The following WDFY1 variants were observed in gnomAD, a reference collection of about 807,000 sequenced individuals.
WDFY1 encodes WD repeat and FYVE domain-containing protein 1.
In WDFY1, 32 loss-of-function variants were observed where a neutral mutation model predicts 56.4. The observed-to-expected ratio is 0.57, with a 90% CI of 0.43 to 0.76. The LOEUF (loss-of-function observed/expected upper bound fraction) is 0.76. Ranked by LOEUF, WDFY1 falls within the 30% of genes least tolerant of loss-of-function variation. The pLI is 0.00. For synonymous variants in WDFY1, 192 were observed against 197.3 expected, an observed-to-expected ratio of 0.97 and a Z score of 0.23; for missense variants, 480 against 545.7, an observed-to-expected ratio of 0.88 and a Z score of 1.20.
chr2:223,929,116 A>T (rs1003990928), intron 1 of WDFY1, among the ~76,000 whole-genome samples: 6 of 151,944 alleles, frequency 3.9e-5, no homozygotes, highest in Non-Finnish European at 7.4e-5. Flanking sequence ...TGAAAGTTAT[A>T]AGGCAATAAA....
chr2:223,943,454 G>C (rs902564013), intron 1 of WDFY1, among the ~76,000 whole-genome samples: 1 of 152,146 alleles, frequency 6.6e-6, no homozygotes, highest in Admixed American at 6.5e-5. Flanking sequence ...AACAGGAGTT[G>C]GGGGCTTCAG....
At chr2:223,923,653 C>A (rs539637600) in intron 1 of WDFY1, among the ~76,000 whole-genome samples, 1 of 151,882 alleles carries the variant, frequency 6.6e-6, no homozygotes, top group Non-Finnish European at 1.5e-5. Context: ...CCCAGCTACT[C>A]GGGAGGCTGA....
Position 223,945,255 on chromosome 2 carries a change from CT to C in WDFY1, c.29del (p.Gln10ArgfsTer8). The C allele has an allele frequency of 6.3e-7, 1 of 1,586,858 alleles. No individual in the cohort carries two copies. Among genetic ancestry groups the C allele is most frequent in the Non-Finnish European group, 8.5e-7 (1 of 1,171,488 alleles). On this transcript the variant is annotated frameshift_variant, in exon 1 of 12. Transcript: ENST00000233055. LOFTEE classifies it high-confidence loss of function. ...TGCTCAGCAGCACCGGGCGGCTGCT[CT>C]GCGGCCTGGAGTGGATTTCGGCCGC... MAAEIHSRPQSSRPVLLSKI... is the reference protein window; with the variant it reads MAAEIHSRPXSSRPVLLSKI...
intron 1 of WDFY1, among the ~76,000 whole-genome samples, chr2:223,938,148 T>C (rs1559177148): frequency 6.6e-6 from 1 of 152,218 alleles, no homozygotes; most frequent in Admixed American, 6.5e-5. Context: ...ACATGAGATT[T>C]ATCTTTAACT....
intron 1 of WDFY1, 85 bp downstream of exon 1, chr2:223,945,063 A>C: frequency 7.0e-7 from 1 of 1,435,392 alleles, no homozygotes; most frequent in Non-Finnish European, 9.2e-7. Flanking sequence ...CCCCTCACGC[A>C]GGAAGGACCG....
intron 1 of WDFY1, among the ~76,000 whole-genome samples, chr2:223,932,461 C>T (rs1694095843): frequency 6.6e-6 from 1 of 152,110 alleles, no homozygotes; most frequent in South Asian, 2.1e-4. Context: ...AATAAGCAGA[C>T]TCAACTAGCA....
intron 1 of WDFY1, among the ~76,000 whole-genome samples, chr2:223,934,409 T>G (rs1009398523): frequency 1.3e-5 from 2 of 151,938 alleles, no homozygotes; most frequent in African/African-American, 4.8e-5. Flanking sequence ...ATTTTTAGAT[T>G]ACGTTCCATG....
intron 11 of WDFY1, among the ~76,000 whole-genome samples, chr2:223,878,935 A>G (rs547234): frequency 0.9 from 137,296 of 152,356 alleles, 62,215 homozygotes; most frequent in South Asian, 0.96. Context: ...TGTAATCCCA[A>G]CACTTTGGGA....
chr2:223,880,049 A>G, intron 11 of WDFY1, 75 bp downstream of exon 11: 1 of 1,264,084 alleles, frequency 7.9e-7, no homozygotes, highest in Non-Finnish European at 1.1e-6. Context: ...AGAAAGAGTG[A>G]CTGTCTCCTG....
intron 1 of WDFY1, among the ~76,000 whole-genome samples, chr2:223,923,808 G>C (rs1291008240): frequency 6.6e-6 from 1 of 152,144 alleles, no homozygotes; most frequent in African/African-American, 2.4e-5. Flanking sequence ...GAAGTGTCAA[G>C]ATCAGATGGT....
At chr2:223,891,604 C>G (rs911791622) in intron 8 of WDFY1, among the ~76,000 whole-genome samples, 9 of 151,806 alleles carry the variant, frequency 5.9e-5, no homozygotes, top group African/African-American at 2.2e-4. Context: ...ACTATTTTTT[C>G]TTTCCCTAGA....
Position 223,896,155 on chromosome 2 carries a change from C to CAAAAAAAAAAAAAAAAAAAAAAAAAA in WDFY1, c.599-551_599-526dup, listed in dbSNP as rs71058956. Among the ~76,000 whole-genome samples the CAAAAAAAAAAAAAAAAAAAAAAAAAA allele has an allele frequency of 5.3e-4, 21 of 39,832 alleles. 2 individuals carry two copies. Among genetic ancestry groups the CAAAAAAAAAAAAAAAAAAAAAAAAAA allele is most frequent in the Admixed American group, 8.6e-4 (2 of 2,318 alleles). 26.1% of individuals were successfully genotyped at this position (39,832 alleles called of 152,430 possible). A position where few individuals can be genotyped will look rare whatever the true frequency, so the allele number is the denominator to read the frequency against. On this transcript the variant is annotated intron_variant, in intron 6 of 11. Transcript: ENST00000233055. Reference sequence around the variant, plus strand: ...TGGGTGACAGAGTGAGACTCTGTCTCAAAAAAAAAAAAAAAAAAAAAAAAA... The same window carrying CAAAAAAAAAAAAAAAAAAAAAAAAAA: ...TGGGTGACAGAGTGAGACTCTGTCTCAAAAAAAAAAAAAAAAAAAAAAAAAAAAAAAAAAAAAAAAAAAAAAAAAAA...
chr2:223,888,210 T>C (rs150844145), intron 8 of WDFY1, among the ~76,000 whole-genome samples: 30 of 152,242 alleles, frequency 2.0e-4, no homozygotes, highest in Non-Finnish European at 2.9e-4. Context: ...GCTGCCCTAG[T>C]AGTTGGGACT....
rs34758959 is a variant in WDFY1, at chr2:223,940,645, C to CTTT, written c.137+4500_137+4502dup. Among the ~76,000 whole-genome samples, 6 of 144,834 alleles carry CTTT rather than the reference C, an allele frequency of 4.1e-5. No individual in the cohort carries two copies. In the East Asian group the frequency reaches 8.1e-4, roughly 20 times the overall value. On this transcript the variant is annotated intron_variant, in intron 1 of 11. Transcript: ENST00000233055. ...TAAGGTCCAAATTCCTTATTTCTTT[C>CTTT]TTTTTTTTTTTTTTGAGACAAAGTT...
intron 4 of WDFY1, among the ~76,000 whole-genome samples, chr2:223,903,426 G>T (rs1429909128): frequency 6.6e-6 from 1 of 151,952 alleles, no homozygotes; most frequent in African/African-American, 2.4e-5. Flanking sequence ...GGTAGGCTGA[G>T]GCAGGAGAAT....
At chr2:223,911,634 C>T (rs1356166959) in intron 3 of WDFY1, among the ~76,000 whole-genome samples, 2 of 150,242 alleles carry the variant, frequency 1.3e-5, no homozygotes, top group African/African-American at 4.9e-5. Flanking sequence ...AGAGGCTCTC[C>T]ACCATCACGG....
chr2:223,912,175 G>T, intron 3 of WDFY1, 78 bp downstream of exon 3: 1 of 1,414,134 alleles, frequency 7.1e-7, no homozygotes, highest in Non-Finnish European at 9.6e-7. Flanking sequence ...AAGTTAACTG[G>T]CCAATATGGG....
At chr2:223,925,665 A>G (rs1018650557) in intron 1 of WDFY1, among the ~76,000 whole-genome samples, 37 of 152,244 alleles carry the variant, frequency 2.4e-4, no homozygotes, top group African/African-American at 8.9e-4. Context: ...CATTTTACCC[A>G]TAATAGAACT....
chr2:223,911,047 A>C (rs644782), intron 3 of WDFY1, among the ~76,000 whole-genome samples: 5 of 152,170 alleles, frequency 3.3e-5, no homozygotes, highest in Admixed American at 1.3e-4. Flanking sequence ...GATCAACCAA[A>C]TGCAGTATAG....
Sources: allele counts gnomAD v4.1 joint callset (sites outside exome capture counted in the v4.1 genomes callset), GRCh38; gene constraint gnomAD v4.1.1; transcripts MANE v1.5; gene names NCBI Gene and HGNC (gene_info 2026-07-23, HGNC 2026-07-21).